The following OSBPL10 variants were observed in gnomAD, a reference collection of about 807,000 sequenced individuals.
OSBPL10 encodes the protein oxysterol binding protein like 10.
Under a neutral mutation model 81.7 loss-of-function variants are expected in OSBPL10, and 49 were observed. That is an observed-to-expected ratio of 0.60 (90% CI 0.48 to 0.76). The LOEUF (loss-of-function observed/expected upper bound fraction) is 0.76. Among genes scored for constraint, OSBPL10 ranks in the 30% least tolerant of loss-of-function variants. The probability of loss-of-function intolerance (pLI) is 0.00; values close to 1 mark genes in which losing one functional copy is unlikely to be tolerated. For synonymous variants in OSBPL10, 419 were observed against 383.6 expected (o/e 1.09, Z -1.08); for missense variants, 923 against 987.8 (o/e 0.93, Z 0.88).
intron 1 of OSBPL10, among the ~76,000 whole-genome samples, chr3:31,948,068 C>G (rs1321719656): frequency 6.6e-6 from 1 of 152,166 alleles, no homozygotes; most frequent in East Asian, 1.9e-4. Context: ...CACCTCCAGG[C>G]TAGAGGGTTC....
Position 31,814,079 on chromosome 3 carries a change from T to C in OSBPL10, c.729+15961A>G, listed in dbSNP as rs961041921. On this transcript the variant is annotated intron_variant, in intron 4 of 11. Coordinates refer to ENST00000396556, the MANE Select transcript of OSBPL10 (RefSeq NM_017784.5). ...TCTCTCCTCCTAGGGCAAACGTTAG[T>C]GGGGACAAGAGAGAACCCAGGGGCA... Among the ~76,000 whole-genome samples the C allele has an allele frequency of 2.6e-5, 4 of 152,082 alleles. No individual in the cohort carries two copies. The South Asian group carries it at 6.2e-4, about 24-fold the overall frequency.
rs1700728725 is a variant in OSBPL10 at position 31,684,026 on chromosome 3, A to G, written c.1334T>C (p.Ile445Thr). The stretch of plus-strand genomic sequence containing the variant: ...CTCCTCTGGTGTGGCCCCAGCGGTG[A>G]TGGCCAGCAGTAGGTCTGGGTGCGC... ...FMAHPDLLLA[I>T]TAGATPEERV... Residue 445 changes from isoleucine to threonine, a missense_variant, in exon 8 of 12, where the codon ATC becomes ACC. By Grantham distance (89) the Ile-to-Thr change is moderately conservative. This residue lies in a region of OSBPL10 where 387 missense variants were observed against 436.3 expected (regional missense o/e 0.89). Transcript: ENST00000396556. 2 of 1,614,224 alleles carry G rather than the reference A, an allele frequency of 1.2e-6. No individual in the cohort carries two copies. Among genetic ancestry groups the G allele is most frequent in the East Asian group, 4.5e-5 (2 of 44,876 alleles).
At chr3:31,669,181 C>T (rs867735681) in intron 9 of OSBPL10, among the ~76,000 whole-genome samples, 27 of 152,000 alleles carry the variant, frequency 1.8e-4, no homozygotes, top group Non-Finnish European at 2.9e-5. Context: ...AAATATGGGG[C>T]AGTACCTATA....
intron 3 of OSBPL10, among the ~76,000 whole-genome samples, chr3:31,833,475 G>T (rs763652846): frequency 1.3e-5 from 2 of 152,152 alleles, no homozygotes; most frequent in African/African-American, 2.4e-5. Context: ...TGCAGAAGCT[G>T]CATGGACAAA....
chr3:31,915,622 G>C (rs905559667), intron 1 of OSBPL10, among the ~76,000 whole-genome samples: 1 of 152,130 alleles, frequency 6.6e-6, no homozygotes, highest in Non-Finnish European at 1.5e-5. Context: ...GGGAAGGAGA[G>C]GGAGCAAGGG....
At chr3:31,812,181 G>A (rs1301289594) in intron 4 of OSBPL10, among the ~76,000 whole-genome samples, 1 of 152,116 alleles carries the variant, frequency 6.6e-6, no homozygotes, top group East Asian at 1.9e-4. Context: ...ACAGGCGCCT[G>A]CCACCATGCC....
intron 1 of OSBPL10, among the ~76,000 whole-genome samples, chr3:31,962,615 G>A (rs1020490767): frequency 2.6e-5 from 4 of 152,092 alleles, no homozygotes; most frequent in Non-Finnish European, 4.4e-5. Flanking sequence ...ATTCCAGGGG[G>A]CTTTTACCCG....
chr3:31,662,442 A>G, intron 11 of OSBPL10: 1 of 1,077,796 alleles, frequency 9.3e-7, no homozygotes, highest in Non-Finnish European at 1.1e-6. Flanking sequence ...GAGAGTAGCT[A>G]GATGAATGGC....
At chr3:31,667,417 A>C (rs1373517454) in intron 10 of OSBPL10, among the ~76,000 whole-genome samples, 1 of 152,256 alleles carries the variant, frequency 6.6e-6, no homozygotes, top group African/African-American at 2.4e-5. Flanking sequence ...CAAAGGTTCC[A>C]GGGATACTGA....
At position 31,684,028 on chromosome 3, in the gene OSBPL10, G is replaced by A. The variant is rs1437468079; in HGVS notation, c.1332C>T (p.Ala444=). The change falls in exon 8 of 12, where the codon GCC becomes GCT. Residue 444 remains alanine, a synonymous_variant. Transcript: ENST00000396556. ...CCTCTGGTGTGGCCCCAGCGGTGAT[G>A]GCCAGCAGTAGGTCTGGGTGCGCCA... ...DFMAHPDLLL[A]ITAGATPEER... 1 of 1,614,218 alleles carries A rather than the reference G, an allele frequency of 6.2e-7. No homozygotes were observed. Among genetic ancestry groups the A allele is most frequent in the Non-Finnish European group, 8.5e-7 (1 of 1,180,040 alleles).
chr3:31,733,857 A>G (rs1156941181), intron 5 of OSBPL10, among the ~76,000 whole-genome samples: 1 of 151,880 alleles, frequency 6.6e-6, no homozygotes, highest in East Asian at 1.9e-4. Flanking sequence ...AAAAATACAA[A>G]AAATTAGCTG....
intron 1 of OSBPL10, among the ~76,000 whole-genome samples, chr3:31,916,019 C>A (rs1370464700): frequency 6.6e-6 from 1 of 151,040 alleles, no homozygotes. Context: ...TCGCTTGAAC[C>A]CGGGAGGTGG....
chr3:31,681,917 C>T (rs1285039106), intron 8 of OSBPL10, among the ~76,000 whole-genome samples: 4 of 152,206 alleles, frequency 2.6e-5, no homozygotes, highest in Admixed American at 2.6e-4. Flanking sequence ...CCGCCCTGAG[C>T]TCCCATACTC....
At chr3:31,907,756 T>TA (rs1209788340) in intron 1 of OSBPL10, among the ~76,000 whole-genome samples, 5 of 152,004 alleles carry the variant, frequency 3.3e-5, no homozygotes, top group Admixed American at 3.3e-4. Context: ...TGAGGTTCCC[T>TA]ATTCAATACT....
At chr3:31,876,376 G>A in intron 3 of OSBPL10, 57 bp downstream of exon 3, 1 of 1,425,378 alleles carries the variant, frequency 7.0e-7, no homozygotes, top group Non-Finnish European at 9.9e-7. Context: ...ACAAATAATG[G>A]GGCTGAAAGC....
chr3:31,768,304 G>A (rs1044975350), intron 4 of OSBPL10, among the ~76,000 whole-genome samples: 4 of 152,154 alleles, frequency 2.6e-5, no homozygotes, highest in South Asian at 2.1e-4. Context: ...AGGTTTTTGC[G>A]ACCCATACCT....
chr3:31,688,281 T>A (rs61205554), intron 7 of OSBPL10, among the ~76,000 whole-genome samples: 9,620 of 113,566 alleles, frequency 0.085, 725 homozygotes, highest in African/African-American at 0.21. Context: ...TCTCTCTCTC[T>A]CTCACACACA....
intron 2 of OSBPL10, among the ~76,000 whole-genome samples, chr3:31,995,877 T>C (rs1699086368): frequency 1.3e-5 from 2 of 152,196 alleles, no homozygotes; most frequent in South Asian, 4.1e-4. Flanking sequence ...GTGTGATCAA[T>C]GCAGTGCAAA....
At chr3:31,852,188 C>G (rs1421527999) in intron 3 of OSBPL10, among the ~76,000 whole-genome samples, 1 of 152,154 alleles carries the variant, frequency 6.6e-6, no homozygotes, top group Non-Finnish European at 1.5e-5. Flanking sequence ...TAAGACCTAC[C>G]CGCAAGATTG....
Sources: allele counts gnomAD v4.1 joint callset (sites outside exome capture counted in the v4.1 genomes callset), GRCh38; gene constraint gnomAD v4.1.1; regional missense constraint gnomAD v4.1.1; transcripts MANE v1.5; gene names NCBI Gene and HGNC (gene_info 2026-07-23, HGNC 2026-07-21).